The following DNAJC6 variants were observed in gnomAD, a reference collection of about 807,000 sequenced individuals.
DNAJC6 encodes the protein DnaJ heat shock protein family (Hsp40) member C6.
In DNAJC6, 34 loss-of-function variants were observed where a neutral mutation model predicts 110.0. The ratio of observed to expected loss-of-function variants is 0.31; its 90% CI spans 0.24 to 0.41. The LOEUF is 0.41. Ranked by LOEUF, DNAJC6 falls within the 10% of genes least tolerant of loss-of-function variation. The pLI is 1.00. For synonymous variants in DNAJC6, 406 were observed against 437.2 expected (o/e 0.93, Z 0.89); for missense variants, 1,031 against 1,207.8 (o/e 0.85, Z 2.17).
At chr1:65,316,973 T>C (rs1305316309) in intron 1 of DNAJC6, among the ~76,000 whole-genome samples, 2 of 152,190 alleles carry the variant, frequency 1.3e-5, no homozygotes, top group Non-Finnish European at 2.9e-5. Flanking sequence ...ATACAATTTT[T>C]TTAATGAACT....
At chr1:65,399,260 TA>T (rs142741697) in intron 14 of DNAJC6, among the ~76,000 whole-genome samples, 2,156 of 152,186 alleles carry the variant, frequency 0.014, 66 homozygotes, top group African/African-American at 0.05. Flanking sequence ...TAAGTTTAAA[TA>T]AAAAAAACTT....
chr1:65,401,997 G>A (rs911290820), intron 15 of DNAJC6, 117 bp downstream of exon 15: 6 of 1,381,562 alleles, frequency 4.3e-6, no homozygotes, highest in East Asian at 2.5e-5. Flanking sequence ...CAAATAGTGT[G>A]TATTCTTAAG....
At chr1:65,315,743 A>T (rs931153975) in intron 1 of DNAJC6, among the ~76,000 whole-genome samples, 18 of 152,180 alleles carry the variant, frequency 1.2e-4, no homozygotes, top group Admixed American at 3.3e-4. Flanking sequence ...TGAATAAACT[A>T]AGGCACAGAG....
At chr1:65,395,147 C>T in intron 13 of DNAJC6, 115 bp downstream of exon 13, 1 of 1,158,640 alleles carries the variant, frequency 8.6e-7, no homozygotes, top group Non-Finnish European at 1.2e-6. Flanking sequence ...CTTCCTCACA[C>T]ATCTCTGTTT....
chr1:65,324,349 TTTTG>T (rs1570278632), intron 1 of DNAJC6, among the ~76,000 whole-genome samples: 1 of 151,406 alleles, frequency 6.6e-6, no homozygotes, highest in Non-Finnish European at 1.5e-5. Flanking sequence ...GCTAAGTTTT[TTTTG>T]TTTGTTTTGT....
chr1:65,389,826 T>C (rs116326678), intron 11 of DNAJC6, among the ~76,000 whole-genome samples, 199 bp downstream of exon 11: 813 of 151,808 alleles, frequency 5.4e-3, no homozygotes, highest in African/African-American at 0.019. Context: ...GCTCAGGCAA[T>C]ATAGTGAGAC....
chr1:65,341,089 G>A (rs1476671301), intron 1 of DNAJC6, among the ~76,000 whole-genome samples: 2 of 152,120 alleles, frequency 1.3e-5, no homozygotes, highest in African/African-American at 4.8e-5. Flanking sequence ...GGGACTGATA[G>A]CCTGTTTAGC....
intron 1 of DNAJC6, among the ~76,000 whole-genome samples, chr1:65,330,155 T>G (rs1426093560): frequency 6.6e-6 from 1 of 152,198 alleles, no homozygotes; most frequent in Non-Finnish European, 1.5e-5. Flanking sequence ...TTTTCTTTAC[T>G]TTTTATTACC....
At chr1:65,324,404 G>A (rs1645223547) in intron 1 of DNAJC6, among the ~76,000 whole-genome samples, 1 of 151,834 alleles carries the variant, frequency 6.6e-6, no homozygotes, top group African/African-American at 2.4e-5. Flanking sequence ...CTGTTGCCCA[G>A]GCTGGAGTGC....
rs1259474230 is a variant in DNAJC6, at chr1:65,323,410, A to T, written c.193+13472A>T. On this transcript the variant is annotated intron_variant, in intron 1 of 18. Transcript: ENST00000371069. Reference sequence around the variant, plus strand: ...CTTTCTCTTTCTCCTGCCACCATGTAAGACGTGTCTTGCTTCCCCTTTGCC... The same window carrying T: ...CTTTCTCTTTCTCCTGCCACCATGTTAGACGTGTCTTGCTTCCCCTTTGCC... Among the ~76,000 whole-genome samples the T allele has an allele frequency of 1.8e-4, 27 of 152,106 alleles. 1 individual carries two copies.
intron 1 of DNAJC6, among the ~76,000 whole-genome samples, chr1:65,273,837 A>G (rs774221445): frequency 1.3e-5 from 2 of 152,100 alleles, no homozygotes; most frequent in Non-Finnish European, 2.9e-5. Context: ...GTCAGAGAAT[A>G]TATTTTGGAT....
intron 9 of DNAJC6, 95 bp downstream of exon 9, chr1:65,388,510 T>C: frequency 8.6e-7 from 1 of 1,159,572 alleles, no homozygotes; most frequent in Non-Finnish European, 1.3e-6. Flanking sequence ...CCTGGAATCC[T>C]GTGCTGCTGA....
At chr1:65,391,028 T>G (rs1570364210) in intron 11 of DNAJC6, among the ~76,000 whole-genome samples, 1 of 152,222 alleles carries the variant, frequency 6.6e-6, no homozygotes, top group Admixed American at 6.5e-5. Flanking sequence ...TGTCTGAACC[T>G]CTCAGAGCCA....
At chr1:65,321,378 T>C (rs1352631626) in intron 1 of DNAJC6, among the ~76,000 whole-genome samples, 1 of 150,682 alleles carries the variant, frequency 6.6e-6, no homozygotes, top group Non-Finnish European at 1.5e-5. Flanking sequence ...AATTTTTAAA[T>C]TTTTTGTAGA....
intron 13 of DNAJC6, among the ~76,000 whole-genome samples, chr1:65,396,973 C>T (rs1381614728): frequency 1.3e-5 from 2 of 152,000 alleles, no homozygotes; most frequent in African/African-American, 4.8e-5. Flanking sequence ...AGAGTACTAC[C>T]CTTTGTGTCC....
rs1645077096 is a variant in DNAJC6 at position 65,309,546 on chromosome 1, C to T, written c.-200C>T. On this transcript the variant is annotated 5_prime_UTR_variant, in exon 1 of 19. Transcript: ENST00000371069. Reference sequence around the variant, plus strand: ...CCCTCCCTCCTCCCGGCGCCCCGAGCCGAGCTCAGCCCAGGGCGGCGGCTT... The same window carrying T: ...CCCTCCCTCCTCCCGGCGCCCCGAGTCGAGCTCAGCCCAGGGCGGCGGCTT... 1 of 1,214,478 alleles carries T rather than the reference C, an allele frequency of 8.2e-7. No homozygotes were observed. The highest frequency in any genetic ancestry group is 1.0e-6 in the Non-Finnish European group (1 of 978,934). 75.2% of individuals were successfully genotyped at this position (1,214,478 alleles called of 1,614,324 possible).
At chr1:65,406,892 G>A (rs1267608600) in intron 16 of DNAJC6, among the ~76,000 whole-genome samples, 1 of 152,110 alleles carries the variant, frequency 6.6e-6, no homozygotes, top group Non-Finnish European at 1.5e-5. Flanking sequence ...TTCTCTCTAT[G>A]GAACATGGAA....
chr1:65,292,320 G>GTT lies in DNAJC6; in HGVS notation c.-131+27399_-131+27400dup, dbSNP rs11431945. 6.3e-4 allele frequency among the ~76,000 whole-genome samples: 86 copies of GTT among 135,790 alleles called. 1 individual carries two copies. The highest frequency in any genetic ancestry group is 1.7e-3 in the African/African-American group (63 of 36,278). 89.1% of individuals were successfully genotyped at this position (135,790 alleles called of 152,430 possible). ...GGCATGAGCCACCGCACCCGGCCTG[G>GTT]TTTTTTTTTTTTGTTTTTTTTTTTT... On this transcript the variant is annotated intron_variant, in intron 1 of 19. Transcript: ENST00000263441.
intron 1 of DNAJC6, among the ~76,000 whole-genome samples, chr1:65,272,392 C>T (rs373610475): frequency 6.6e-6 from 1 of 152,300 alleles, no homozygotes; most frequent in Admixed American, 6.5e-5. Context: ...GAACAAACAA[C>T]TTCGTTGTGA....
Sources: allele counts gnomAD v4.1 joint callset (sites outside exome capture counted in the v4.1 genomes callset), GRCh38; gene constraint gnomAD v4.1.1; transcripts MANE v1.5; gene names NCBI Gene and HGNC (gene_info 2026-07-23, HGNC 2026-07-21).